PTPRO: variants seen among roughly 807,000 people sequenced by gnomAD.
The protein encoded by PTPRO is receptor-type tyrosine-protein phosphatase O.
In PTPRO, 62 loss-of-function variants were observed where a neutral mutation model predicts 145.2. The ratio of observed to expected loss-of-function variants is 0.43; its 90% confidence interval spans 0.35 to 0.53. The LOEUF is 0.53. Ranked by LOEUF, PTPRO falls within the 20% of genes least tolerant of loss-of-function variation. PTPRO has a pLI of 0.01. For missense variants in PTPRO, 1,345 were observed against 1,482.7 expected (o/e 0.91, Z 1.53); for synonymous variants, 565 against 514.7 (o/e 1.10, Z -1.32).
chr12:15,360,669 A>G (rs1938147420), intron 1 of PTPRO, among the ~76,000 whole-genome samples: 1 of 151,636 alleles, frequency 6.6e-6, no homozygotes, highest in African/African-American at 2.4e-5. Context: ...ATACTAAATC[A>G]AATATACAAA....
intron 2 of PTPRO, among the ~76,000 whole-genome samples, chr12:15,496,519 T>C (rs1206997083): frequency 6.6e-6 from 1 of 152,188 alleles, no homozygotes; most frequent in Non-Finnish European, 1.5e-5. Flanking sequence ...ATGCATTATT[T>C]ACAAGAATTT....
At chr12:15,326,848 C>T (rs1235584807) in intron 1 of PTPRO, among the ~76,000 whole-genome samples, 1 of 152,200 alleles carries the variant, frequency 6.6e-6, no homozygotes, top group Non-Finnish European at 1.5e-5. Context: ...TTTTCAGAAA[C>T]ATATCCCAGT....
intron 6 of PTPRO, 37 bp from the exon 7 acceptor site, chr12:15,508,534 G>C (rs373418358): frequency 1.3e-6 from 2 of 1,587,172 alleles, no homozygotes; most frequent in Non-Finnish European, 1.7e-6. Context: ...TCAGTGTAAC[G>C]TGCAGCCTCC....
At chr12:15,440,035 TA>T in intron 1 of PTPRO, 1 of 656,802 alleles carries the variant, frequency 1.5e-6, no homozygotes. Context: ...GCTACAGGGG[TA>T]ACAAGATCTG....
At chr12:15,471,323 T>C (rs1170996197) in intron 1 of PTPRO, among the ~76,000 whole-genome samples, 2 of 152,060 alleles carry the variant, frequency 1.3e-5, no homozygotes, top group African/African-American at 4.8e-5. Flanking sequence ...GAGATTGCAG[T>C]AAGCCGAGAT....
intron 1 of PTPRO, among the ~76,000 whole-genome samples, chr12:15,353,414 G>GT (rs561119834): frequency 0.25 from 36,629 of 148,148 alleles, 4,556 homozygotes; most frequent in Non-Finnish European, 0.29. Context: ...TGTTGATGCA[G>GT]TTTTTTTTTT....
intron 22 of PTPRO, among the ~76,000 whole-genome samples, chr12:15,581,213 T>C (rs1944306797): frequency 6.6e-6 from 1 of 152,038 alleles, no homozygotes; most frequent in African/African-American, 2.4e-5. Flanking sequence ...ATACCACTGG[T>C]TTCAAGTTAC....
At chr12:15,578,789 G>A in intron 19 of PTPRO, 64 bp from the exon 20 acceptor site, 2 of 895,348 alleles carry the variant, frequency 2.2e-6, no homozygotes, top group Admixed American at 4.9e-5. Context: ...CAATAAACCA[G>A]TTGAACAATA....
At chr12:15,487,643 T>G (rs967411095) in intron 2 of PTPRO, among the ~76,000 whole-genome samples, 5 of 152,024 alleles carry the variant, frequency 3.3e-5, no homozygotes, top group Non-Finnish European at 7.4e-5. Flanking sequence ...GTAGTCCTCA[T>G]GAGCATGGGG....
chr12:15,399,177 G>A (rs1939423045), intron 1 of PTPRO, among the ~76,000 whole-genome samples: 1 of 152,150 alleles, frequency 6.6e-6, no homozygotes, highest in Non-Finnish European at 1.5e-5. Flanking sequence ...ATATTTCACA[G>A]GGGTACTTTG....
chr12:15,351,918 A>T (rs1937815159), intron 1 of PTPRO, among the ~76,000 whole-genome samples: 1 of 152,218 alleles, frequency 6.6e-6, no homozygotes, highest in Admixed American at 6.5e-5. Flanking sequence ...TAACCTCAGG[A>T]AAAACATGTG....
chr12:15,424,218 A>T (rs78481671), intron 1 of PTPRO, among the ~76,000 whole-genome samples: 1,667 of 152,306 alleles, frequency 0.011, 13 homozygotes, highest in Non-Finnish European at 0.017. Context: ...TAAATTATAT[A>T]TTTATGGACA....
chr12:15,395,446 AAG>A (rs1209839799), intron 1 of PTPRO, among the ~76,000 whole-genome samples: 2 of 152,104 alleles, frequency 1.3e-5, no homozygotes, highest in African/African-American at 2.4e-5. Flanking sequence ...GTCAAAATAT[AAG>A]AGAGTTCACA....
At chr12:15,541,175 G>A (rs1778561554) in intron 12 of PTPRO, among the ~76,000 whole-genome samples, 2 of 152,152 alleles carry the variant, frequency 1.3e-5, no homozygotes, top group Non-Finnish European at 2.9e-5. Context: ...AAAATGTTAT[G>A]ATTGAAAATG....
chr12:15,565,403 T>G, intron 17 of PTPRO, 190 bp from the exon 18 acceptor site: 1 of 495,212 alleles, frequency 2.0e-6, no homozygotes, highest in East Asian at 3.4e-5. Flanking sequence ...TAGTAGAGTT[T>G]TAAAAAATGA....
intron 2 of PTPRO, among the ~76,000 whole-genome samples, chr12:15,485,750 TTTCTA>T (rs1355933860): frequency 6.6e-6 from 1 of 152,164 alleles, no homozygotes; most frequent in Non-Finnish European, 1.5e-5. Context: ...TGCTAAAAAA[TTTCTA>T]GAATATCACT....
At chr12:15,536,272 G>A (rs1012838821) in intron 12 of PTPRO, among the ~76,000 whole-genome samples, 5 of 152,186 alleles carry the variant, frequency 3.3e-5, no homozygotes, top group African/African-American at 4.8e-5. Flanking sequence ...GATAGGAAGT[G>A]CTGTGGGGGA....
intron 6 of PTPRO, among the ~76,000 whole-genome samples, chr12:15,505,681 T>G (rs977740007): frequency 2.0e-5 from 3 of 152,192 alleles, no homozygotes; most frequent in African/African-American, 7.2e-5. Flanking sequence ...ACATAAATAC[T>G]TACACCTAAC....
intron 1 of PTPRO, among the ~76,000 whole-genome samples, chr12:15,365,727 T>G (rs1319083617): frequency 6.6e-6 from 1 of 152,148 alleles, no homozygotes; most frequent in Admixed American, 6.6e-5. Flanking sequence ...AGGAAAATCC[T>G]TTTCACTCCC....
Sources: allele counts gnomAD v4.1 joint callset (sites outside exome capture counted in the v4.1 genomes callset), GRCh38; gene constraint gnomAD v4.1.1; transcripts MANE v1.5; gene names NCBI Gene and HGNC (gene_info 2026-07-23, HGNC 2026-07-21).